The following CPS1 variants were observed in gnomAD, a reference collection of about 807,000 sequenced individuals.
The protein encoded by CPS1 is carbamoyl-phosphate synthase 1.
CPS1 carries 109 observed loss-of-function variants against 174.6 expected under a neutral mutation model. The ratio of observed to expected loss-of-function variants is 0.62; its 90% confidence interval spans 0.53 to 0.73. CPS1 has a LOEUF of 0.73. Ranked by LOEUF, CPS1 falls within the 30% of genes least tolerant of loss-of-function variation. The pLI, the probability that CPS1 is intolerant of heterozygous loss-of-function variation, is 0.00. For synonymous variants in CPS1, 637 were observed against 632.0 expected, an observed-to-expected ratio of 1.01 and a Z score of -0.12; for missense variants, 1,689 against 1,821.9, an observed-to-expected ratio of 0.93 and a Z score of 1.33.
chr2:210,602,487 G>A (rs1241355092), intron 16 of CPS1, among the ~76,000 whole-genome samples, 157 bp downstream of exon 16: 2 of 151,866 alleles, frequency 1.3e-5, no homozygotes, highest in Admixed American at 6.6e-5. Flanking sequence ...ACACTTTTGC[G>A]AGAGCATGCA....
intron 25 of CPS1, among the ~76,000 whole-genome samples, chr2:210,647,322 G>A (rs1351653675): frequency 2.8e-4 from 43 of 152,202 alleles, no homozygotes; most frequent in Admixed American, 2.8e-3. Context: ...TGAGCTGAGA[G>A]GGGTGATAAT....
intron 26 of CPS1, 122 bp downstream of exon 26, chr2:210,648,179 G>A: frequency 1.0e-6 from 1 of 979,456 alleles, no homozygotes; most frequent in Non-Finnish European, 1.6e-6. Context: ...CATACACTTA[G>A]TGAATTTAAA....
chr2:210,607,093 G>T, intron 18 of CPS1, 152 bp downstream of exon 18: 1 of 693,986 alleles, frequency 1.4e-6, no homozygotes. Flanking sequence ...CTGAGGACAT[G>T]ATTATTAATG....
At chr2:210,557,371 C>T (rs1394332292) in intron 1 of CPS1, among the ~76,000 whole-genome samples, 4 of 152,038 alleles carry the variant, frequency 2.6e-5, no homozygotes, top group African/African-American at 9.7e-5. Flanking sequence ...ACTGCTTTAG[C>T]TTTTTCCTTT....
chr2:210,555,916 C>A (rs1458761995), upstream of CPS1, among the ~76,000 whole-genome samples: 2 of 151,950 alleles, frequency 1.3e-5, no homozygotes, highest in African/African-American at 4.8e-5. Flanking sequence ...AGGAATAGTG[C>A]TTATATTAAA....
chr2:210,588,170 A>G, intron 7 of CPS1, 23 bp downstream of exon 7: 8 of 1,598,436 alleles, frequency 5.0e-6, no homozygotes, highest in Non-Finnish European at 6.9e-6. Flanking sequence ...TTCATTTCAA[A>G]GGTGAGGGTT....
intron 1 of CPS1, among the ~76,000 whole-genome samples, chr2:210,500,658 T>C (rs550507786): frequency 3.3e-5 from 5 of 152,348 alleles, no homozygotes; most frequent in Admixed American, 2.0e-4. Context: ...TCCCACATCC[T>C]TGGCAGCTCT....
intron 33 of CPS1, among the ~76,000 whole-genome samples, chr2:210,667,052 A>G (rs1399010576): frequency 6.6e-6 from 1 of 152,104 alleles, no homozygotes; most frequent in African/African-American, 2.4e-5. Context: ...TGTCCCTTGT[A>G]AGTTGGATTC....
upstream of CPS1, among the ~76,000 whole-genome samples, chr2:210,553,770 A>C (rs1014485856): frequency 1.3e-5 from 2 of 151,998 alleles, no homozygotes; most frequent in African/African-American, 4.8e-5. Context: ...TCTGACTTTA[A>C]CATTCCCTAC....
chr2:210,658,229 G>A, intron 30 of CPS1: 2 of 297,068 alleles, frequency 6.7e-6, no homozygotes, highest in South Asian at 6.7e-5. Flanking sequence ...CTCCCAGCAG[G>A]TAGGTCATTA....
At chr2:210,633,708 T>A (rs1454654608) in intron 21 of CPS1, among the ~76,000 whole-genome samples, 1 of 152,230 alleles carries the variant, frequency 6.6e-6, no homozygotes, top group Non-Finnish European at 1.5e-5. Context: ...ACCTGACTGG[T>A]ATTCCATGTA....
rs1697011911 is a variant in CPS1 at position 210,558,962 on chromosome 2, AG to A, written c.126+2104del. 2.6e-5 allele frequency among the ~76,000 whole-genome samples: 4 copies of A among 152,212 alleles called. No individual in the cohort carries two copies. In the South Asian group the frequency reaches 8.3e-4, roughly 32 times the overall value. On this transcript the variant is annotated intron_variant, in intron 1 of 37. Transcript: ENST00000233072. ...TGGCCAGAGTTTTGGAGGAATGCCA[AG>A]CACAAAAAATAGAAGTTCTTGAACT...
At chr2:210,676,608 G>T (rs1332958885) in intron 36 of CPS1, among the ~76,000 whole-genome samples, 3 of 152,160 alleles carry the variant, frequency 2.0e-5, no homozygotes, top group Non-Finnish European at 4.4e-5. Flanking sequence ...CGTGTTTGGG[G>T]CATTGTAAAA....
At chr2:210,594,301 C>G (rs1559094960) in intron 11 of CPS1, among the ~76,000 whole-genome samples, 1 of 151,800 alleles carries the variant, frequency 6.6e-6, no homozygotes, top group Admixed American at 6.6e-5. Context: ...TTTTATAAGA[C>G]TTGAAGTGAA....
At chr2:210,594,458 G>T in intron 11 of CPS1, 50 bp from the exon 12 acceptor site, 1 of 1,281,738 alleles carries the variant, frequency 7.8e-7, no homozygotes. Context: ...TTTATCTGGT[G>T]AACTTAGGAA....
intron 19 of CPS1, among the ~76,000 whole-genome samples, chr2:210,609,083 T>C (rs754146101): frequency 6.6e-6 from 1 of 151,912 alleles, no homozygotes; most frequent in Admixed American, 6.6e-5. Context: ...AAATTCTAAA[T>C]TGATATGAGC....
At chr2:210,504,994 G>A (rs186252335) in intron 1 of CPS1, among the ~76,000 whole-genome samples, 2 of 152,046 alleles carry the variant, frequency 1.3e-5, no homozygotes, top group African/African-American at 4.8e-5. Flanking sequence ...GCATTTGGGA[G>A]CTTTTTCTCG....
intron 28 of CPS1, among the ~76,000 whole-genome samples, chr2:210,653,128 G>A (rs1273034378): frequency 6.6e-6 from 1 of 152,128 alleles, no homozygotes; most frequent in East Asian, 1.9e-4. Flanking sequence ...GGTGAGTTGA[G>A]ATTTGAAAGA....
rs1698323037 is a variant in CPS1, at chr2:210,592,071, A to G, written c.1086+102A>G. ...TGTATATATTTATGAGATACATGTG[A>G]TATTTTGATACATGCATATCATATG... On this transcript the variant is annotated intron_variant, in intron 10 of 37. Transcript: ENST00000233072. 3 of 1,287,026 alleles carry G rather than the reference A, an allele frequency of 2.3e-6. No individual in the cohort carries two copies. In the African/African-American group the frequency reaches 4.5e-5, roughly 19 times the overall value. The allele number at this position is 1,287,026 out of a possible 1,614,324, so 79.7% of individuals were successfully genotyped here.
Sources: gnomAD v4.1 joint callset for allele counts (sites outside exome capture counted in the v4.1 genomes callset) on GRCh38, gnomAD v4.1.1 for gene constraint, MANE v1.5 for transcripts, NCBI Gene and HGNC (gene_info 2026-07-23, HGNC 2026-07-21) for gene names.